LRRC3B: variants seen among roughly 807,000 people sequenced by gnomAD.
The protein encoded by LRRC3B is leucine rich repeat containing 3B.
Under a neutral mutation model 12.8 loss-of-function variants are expected in LRRC3B, and 2 were observed. That is an observed-to-expected ratio of 0.16 (90% CI 0.06 to 0.49). The LOEUF is 0.49. LRRC3B is among the 20% of genes least tolerant of loss of function. LRRC3B has a pLI of 0.96. For missense variants in LRRC3B, 189 were observed against 319.4 expected, an observed-to-expected ratio of 0.59 and a Z score of 3.11; for synonymous variants, 132 against 122.0, an observed-to-expected ratio of 1.08 and a Z score of -0.54.
intron 1 of LRRC3B, among the ~76,000 whole-genome samples, chr3:26,692,989 C>T (rs1700222741): frequency 6.6e-6 from 1 of 152,134 alleles, no homozygotes; most frequent in Admixed American, 6.5e-5. Flanking sequence ...TCTTAACATC[C>T]AGCAGGCTAG....
chr3:26,646,963 T>TA (rs1699164968), intron 1 of LRRC3B, among the ~76,000 whole-genome samples: 2 of 152,096 alleles, frequency 1.3e-5, no homozygotes, highest in African/African-American at 4.8e-5. Context: ...TTCTCCATCT[T>TA]AATTCTTTTT....
exon 1 of LRRC3B, chr3:26,623,215 C>T (rs1026528433): frequency 6.6e-6 from 1 of 152,524 alleles, no homozygotes; most frequent in Non-Finnish European, 1.5e-5. Flanking sequence ...GGAGCAGCCA[C>T]CCCGGCCCGG....
chr3:26,699,622 A>C (rs1423860145), intron 1 of LRRC3B, among the ~76,000 whole-genome samples: 1 of 152,192 alleles, frequency 6.6e-6, no homozygotes, highest in Non-Finnish European at 1.5e-5. Context: ...CCTACTCAGA[A>C]GTACAACTGA....
intron 1 of LRRC3B, among the ~76,000 whole-genome samples, chr3:26,634,567 A>G (rs186570327): frequency 5.9e-5 from 9 of 152,294 alleles, no homozygotes; most frequent in African/African-American, 9.6e-5. Context: ...AAAAGGTTCA[A>G]TTCACCTCGA....
chr3:26,671,373 T>TATATATAG (rs1261897533), intron 1 of LRRC3B, among the ~76,000 whole-genome samples: 6 of 28,254 alleles, frequency 2.1e-4, no homozygotes, highest in East Asian at 2.5e-3. Flanking sequence ...TATATATATA[T>TATATATAG]AGAGAGAGAG....
chr3:26,669,631 G>T (rs1195830750), intron 1 of LRRC3B, among the ~76,000 whole-genome samples: 1 of 152,134 alleles, frequency 6.6e-6, no homozygotes, highest in Non-Finnish European at 1.5e-5. Context: ...TATTTGAAGA[G>T]AGCAAACCAA....
At chr3:26,635,149 C>T (rs779610968) in intron 1 of LRRC3B, among the ~76,000 whole-genome samples, 1 of 152,062 alleles carries the variant, frequency 6.6e-6, no homozygotes, top group Non-Finnish European at 1.5e-5. Context: ...TCCTCTGAGC[C>T]TCAAGCCACC....
At chr3:26,634,982 C>T (rs1179385833) in intron 1 of LRRC3B, among the ~76,000 whole-genome samples, 1 of 152,124 alleles carries the variant, frequency 6.6e-6, no homozygotes, top group East Asian at 1.9e-4. Context: ...ATTGCCTGAT[C>T]GAACATGATC....
At chr3:26,622,939 G>T (rs956901743) in exon 1 of LRRC3B, 2 of 151,854 alleles carry the variant, frequency 1.3e-5, no homozygotes, top group African/African-American at 4.8e-5. Flanking sequence ...GCCAAGTCGT[G>T]CCCCGCACGG....
intron 1 of LRRC3B, among the ~76,000 whole-genome samples, chr3:26,697,977 C>G (rs1700360676): frequency 6.6e-6 from 1 of 152,102 alleles, no homozygotes; most frequent in African/African-American, 2.4e-5. Context: ...GAACGTGGAT[C>G]CCTCTTGGAA....
At chr3:26,671,346 G>GTATATATATGTA (rs1186942021) in intron 1 of LRRC3B, among the ~76,000 whole-genome samples, 1 of 56,336 alleles carries the variant, frequency 1.8e-5, no homozygotes, top group African/African-American at 1.1e-4. Flanking sequence ...GTGTATATAT[G>GTATATATATGTA]TGTGTATATA....
intron 1 of LRRC3B, among the ~76,000 whole-genome samples, chr3:26,688,122 C>A (rs865952517): frequency 6.6e-6 from 1 of 152,066 alleles, no homozygotes; most frequent in South Asian, 2.1e-4. Flanking sequence ...AGAAAAGGGA[C>A]GAACCTATAA....
intron 1 of LRRC3B, among the ~76,000 whole-genome samples, chr3:26,627,389 G>T (rs1008987709): frequency 5.3e-5 from 8 of 152,098 alleles, no homozygotes; most frequent in African/African-American, 1.9e-4. Context: ...TGCCTTTTAG[G>T]TCACCTGGAA....
In LRRC3B at chr3:26,643,488, C is replaced by T. The variant is rs549113649; in HGVS notation, c.-161+20251C>T. 7.9e-5 allele frequency among the ~76,000 whole-genome samples: 12 copies of T among 152,208 alleles called. No individual in the cohort carries two copies. In the East Asian group the frequency reaches 2.3e-3, roughly 29 times the overall value. ...ATGAGCTGGCCTGGGCATTTAGAGT[C>T]ATCTCCCAGTTTTCCACCCACCCAC... is the stretch of plus-strand genomic sequence containing the variant. On this transcript the variant is annotated intron_variant, in intron 1 of 1. Coordinates refer to ENST00000396641, the Ensembl canonical transcript of LRRC3B.
intron 1 of LRRC3B, among the ~76,000 whole-genome samples, chr3:26,640,686 T>G (rs1225735095): frequency 6.6e-6 from 1 of 152,166 alleles, no homozygotes. Context: ...CTTGCAGTTG[T>G]AGGAGGAAGA....
At chr3:26,701,961 G>T (rs752943358) in intron 1 of LRRC3B, among the ~76,000 whole-genome samples, 4 of 152,174 alleles carry the variant, frequency 2.6e-5, no homozygotes, top group Non-Finnish European at 4.4e-5. Flanking sequence ...CCTGCTAGAT[G>T]AATTCATCAC....
chr3:26,701,929 G>T (rs1700466118), intron 1 of LRRC3B, among the ~76,000 whole-genome samples: 1 of 152,110 alleles, frequency 6.6e-6, no homozygotes, highest in Non-Finnish European at 1.5e-5. Context: ...CAAGAACCTT[G>T]TCAGAATTTC....
At chr3:26,705,755 A>G (rs1700570741) in intron 1 of LRRC3B, among the ~76,000 whole-genome samples, 1 of 152,110 alleles carries the variant, frequency 6.6e-6, no homozygotes, top group African/African-American at 2.4e-5. Flanking sequence ...GATGATAACC[A>G]ATGTCAGAAG....
chr3:26,657,700 TC>T (rs1699403429), intron 1 of LRRC3B, among the ~76,000 whole-genome samples: 1 of 152,162 alleles, frequency 6.6e-6, no homozygotes, highest in South Asian at 2.1e-4. Flanking sequence ...ACTTCTTAAT[TC>T]CAGCCAAGGC....
Sources: gnomAD v4.1 joint callset for allele counts (sites outside exome capture counted in the v4.1 genomes callset) on GRCh38, gnomAD v4.1.1 for gene constraint, MANE v1.5 for transcripts, NCBI Gene and HGNC (gene_info 2026-07-23, HGNC 2026-07-21) for gene names.